Variants in DLG1 observed in about 807,000 individuals in gnomAD.
DLG1 encodes the protein disks large homolog 1.
DLG1 carries 42 observed loss-of-function variants against 123.4 expected under a neutral mutation model. That is an observed-to-expected ratio of 0.34 (90% CI 0.27 to 0.44). The LOEUF (loss-of-function observed/expected upper bound fraction) is 0.44. Ranked by LOEUF, DLG1 falls within the 20% of genes least tolerant of loss-of-function variation. The pLI is 1.00. For synonymous variants in DLG1, 317 were observed against 356.2 expected, an observed-to-expected ratio of 0.89 and a Z score of 1.24; for missense variants, 942 against 1,082.6, an observed-to-expected ratio of 0.87 and a Z score of 1.82.
intron 24 of DLG1, among the ~76,000 whole-genome samples, chr3:197,051,192 G>T (rs577991310): frequency 1.3e-5 from 2 of 152,228 alleles, no homozygotes; most frequent in East Asian, 3.9e-4. Flanking sequence ...TGACCAACAC[G>T]GCGAAACCCC....
At position 197,143,798 on chromosome 3, in the gene DLG1, C is replaced by T. The variant is rs183767837; in HGVS notation, c.538-1030G>A. ...CCACTTCGACATCTGGAATTTTGTG[C>T]CTCCTCGGTCACAAATTTCACTTAC... On this transcript the variant is annotated intron_variant, in intron 6 of 24. Coordinates refer to ENST00000667157, the MANE Select transcript of DLG1 (RefSeq NM_001366207.1). Among the ~76,000 whole-genome samples, 267 of 152,278 alleles carry T rather than the reference C, an allele frequency of 1.8e-3. 2 individuals are homozygous for T. The highest frequency in any genetic ancestry group is 6.0e-3 in the African/African-American group (249 of 41,558).
intron 24 of DLG1, 122 bp downstream of exon 24, chr3:197,051,454 TG>T: frequency 2.8e-6 from 2 of 705,822 alleles, no homozygotes; most frequent in Non-Finnish European, 4.8e-6. Flanking sequence ...CTGCCTAGGC[TG>T]GATGATACTA....
intron 18 of DLG1, among the ~76,000 whole-genome samples, chr3:197,072,403 C>T (rs917785525): frequency 5.9e-5 from 9 of 152,080 alleles, no homozygotes; most frequent in African/African-American, 1.9e-4. Context: ...ACATTAAAAG[C>T]AGGCATTTAG....
At chr3:197,162,795 C>T (rs184666108) in intron 5 of DLG1, among the ~76,000 whole-genome samples, 77 of 152,024 alleles carry the variant, frequency 5.1e-4, no homozygotes, top group Admixed American at 5.2e-4. Context: ...TCTTTGTGAC[C>T]GTGGATTTGG....
In DLG1 at chr3:197,119,543, CAA is replaced by C; in HGVS notation, c.1166-15_1166-14del. 1 of 1,593,704 alleles carries C rather than the reference CAA, an allele frequency of 6.3e-7. No homozygotes were observed. Among genetic ancestry groups the C allele is most frequent in the Non-Finnish European group, 8.6e-7 (1 of 1,169,142 alleles). ...GGCTGAGAAGAAGCTTCAAAATAAA[CAA>C]AGTGAAAAATACTTCAAACACGAAA... On this transcript the variant is annotated splice_polypyrimidine_tract_variant and intron_variant, in intron 11 of 24. Transcript: ENST00000667157.
At chr3:197,049,896 C>G (rs534405148) in intron 24 of DLG1, among the ~76,000 whole-genome samples, 1 of 152,070 alleles carries the variant, frequency 6.6e-6, no homozygotes, top group African/African-American at 2.4e-5. Context: ...GACCCTGTCT[C>G]TACAAAAATA....
intron 5 of DLG1, among the ~76,000 whole-genome samples, chr3:197,191,726 T>C (rs1272243005): frequency 6.6e-6 from 1 of 152,360 alleles, no homozygotes; most frequent in Admixed American, 6.5e-5. Context: ...GAGGTTCTTA[T>C]GTTGTCTGGA....
chr3:197,107,303 G>A (rs1767035837), intron 13 of DLG1, among the ~76,000 whole-genome samples: 1 of 152,146 alleles, frequency 6.6e-6, no homozygotes, highest in South Asian at 2.1e-4. Flanking sequence ...CCAGCACTTT[G>A]GGAGGCCAAG....
intron 4 of DLG1, chr3:197,260,526 C>T (rs559842090): frequency 1.2e-5 from 2 of 166,712 alleles, no homozygotes; most frequent in South Asian, 2.7e-4. Context: ...TAATCTGTAT[C>T]TGAAGAACTT....
chr3:197,051,989 C>G (rs998092995), intron 23 of DLG1, among the ~76,000 whole-genome samples: 8 of 151,466 alleles, frequency 5.3e-5, no homozygotes, highest in South Asian at 4.2e-4. Context: ...TACAGGCATG[C>G]GCCACCACGC....
intron 4 of DLG1, among the ~76,000 whole-genome samples, chr3:197,250,236 C>T (rs1753700670): frequency 6.6e-6 from 1 of 152,042 alleles, no homozygotes; most frequent in Non-Finnish European, 1.5e-5. Context: ...CATGAAAAAT[C>T]AATAGCATTA....
intron 4 of DLG1, among the ~76,000 whole-genome samples, chr3:197,240,687 T>G (rs1748382026): frequency 6.6e-6 from 1 of 152,068 alleles, no homozygotes; most frequent in East Asian, 1.9e-4. Context: ...TTAAAGTAAT[T>G]TTTTAAAATT....
chr3:197,245,750 T>G (rs1002485802), intron 4 of DLG1, among the ~76,000 whole-genome samples: 1 of 152,008 alleles, frequency 6.6e-6, no homozygotes, highest in Non-Finnish European at 1.5e-5. Flanking sequence ...GGAATGGCAG[T>G]TGGGGGAGAA....
chr3:197,229,172 T>A (rs906941359), intron 4 of DLG1, among the ~76,000 whole-genome samples: 3 of 152,056 alleles, frequency 2.0e-5, no homozygotes, highest in Non-Finnish European at 2.9e-5. Context: ...AAATCAAGGA[T>A]GCCTAAATTG....
At chr3:197,164,405 C>CA (rs1002642397) in intron 5 of DLG1, among the ~76,000 whole-genome samples, 6 of 150,690 alleles carry the variant, frequency 4.0e-5, no homozygotes, top group South Asian at 4.2e-4. Flanking sequence ...TCCCCCTCCT[C>CA]AAAAAAAAGT....
chr3:197,175,418 A>G (rs1043993507), intron 5 of DLG1, among the ~76,000 whole-genome samples: 1 of 152,218 alleles, frequency 6.6e-6, no homozygotes, highest in African/African-American at 2.4e-5. Flanking sequence ...CAGATATGTA[A>G]GAGTATAAAT....
chr3:197,238,583 A>G (rs1375215330), intron 4 of DLG1, among the ~76,000 whole-genome samples: 3 of 152,192 alleles, frequency 2.0e-5, no homozygotes, highest in Non-Finnish European at 4.4e-5. Flanking sequence ...TCTGTGAGAC[A>G]CCATACAGAA....
In DLG1 at chr3:197,116,043, G is replaced by A; in HGVS notation, c.1327C>T (p.Leu443Phe). The change falls in exon 13 of 25, where the codon CTT (leucine) becomes TTT (phenylalanine). Residue 443 changes from leucine (L) to phenylalanine (F), a missense_variant. Coordinates refer to ENST00000667157, the MANE Select transcript of DLG1 (RefSeq NM_001366207.1). ...TCTCCTCCTACAATGTTGAAACCAA[G>A]GCCCGTTGAGCCACGATGAAGAACA... ...KVVLHRGSTG[L>F]GFNIVGGEDG... The A allele has an allele frequency of 6.2e-7, 1 of 1,610,562 alleles. No homozygotes were observed. The highest frequency in any genetic ancestry group is 2.2e-5 in the East Asian group (1 of 44,634).
chr3:197,059,747 C>T, intron 23 of DLG1, 142 bp downstream of exon 23: 1 of 489,368 alleles, frequency 2.0e-6, no homozygotes, highest in East Asian at 3.4e-5. Context: ...TTATTTAATC[C>T]TCACCACATA....
Sources: gnomAD v4.1 joint callset for allele counts (sites outside exome capture counted in the v4.1 genomes callset) on GRCh38, gnomAD v4.1.1 for gene constraint, MANE v1.5 for transcripts, NCBI Gene and HGNC (gene_info 2026-07-23, HGNC 2026-07-21) for gene names.